PCDH11X: variants seen among roughly 807,000 people sequenced by gnomAD.
PCDH11X encodes protocadherin 11 X-linked.
A neutral mutation model predicts 53.3 loss-of-function variants in PCDH11X; 18 were observed. The ratio of observed to expected loss-of-function variants is 0.34; its 90% CI spans 0.23 to 0.50. PCDH11X has a LOEUF of 0.50. PCDH11X is among the 20% of genes least tolerant of loss of function. The pLI, the probability that PCDH11X is intolerant of heterozygous loss-of-function variation, is 0.98. For synonymous variants in PCDH11X, 279 were observed against 393.3 expected, an observed-to-expected ratio of 0.71 and a Z score of 3.44; for missense variants, 570 against 1,032.4, an observed-to-expected ratio of 0.55 and a Z score of 6.14.
At chrX:91,907,412 C>CACACACAGAGAG (rs756926383) in intron 6 of PCDH11X, among the ~76,000 whole-genome samples, 121 of 57,491 alleles carry the variant, frequency 2.1e-3, no homozygotes, top group East Asian at 7.1e-3. Context: ...CACACACACA[C>CACACACAGAGAG]AGAGAGAGAG....
intron 8 of PCDH11X, among the ~76,000 whole-genome samples, chrX:92,303,956 T>C (rs2068773950): frequency 9.0e-6 from 1 of 111,631 alleles, no homozygotes; most frequent in African/African-American, 3.3e-5. Flanking sequence ...TGAGATATTT[T>C]ATTTTGGAAG....
chrX:92,168,583 A>G (rs1231913284), intron 6 of PCDH11X, among the ~76,000 whole-genome samples: 1 of 110,769 alleles, frequency 9.0e-6, no homozygotes, highest in East Asian at 2.9e-4. Flanking sequence ...ACCCCCAACT[A>G]TATAAATGCC....
At chrX:92,216,449 T>A (rs1396330054) in intron 7 of PCDH11X, among the ~76,000 whole-genome samples, 7 of 102,551 alleles carry the variant, frequency 6.8e-5, no homozygotes, top group Non-Finnish European at 1.4e-4. Context: ...AGAAAGGGTA[T>A]CAGCGATGGA....
intron 10 of PCDH11X, among the ~76,000 whole-genome samples, chrX:92,495,218 G>A (rs2557021): frequency 1.8e-5 from 2 of 110,826 alleles, no homozygotes; most frequent in Non-Finnish European, 3.8e-5. Flanking sequence ...TCTGCATACC[G>A]TCTCTTTCCA....
chrX:91,820,118 G>A (rs1335977246), intron 4 of PCDH11X, among the ~76,000 whole-genome samples: 1 of 93,920 alleles, frequency 1.1e-5, no homozygotes, highest in Non-Finnish European at 2.0e-5. Flanking sequence ...TGTGAATAAT[G>A]CCACAATAAA....
At chrX:91,843,987 T>C (rs1218083754) in intron 5 of PCDH11X, among the ~76,000 whole-genome samples, 1 of 111,043 alleles carries the variant, frequency 9.0e-6, no homozygotes, top group Non-Finnish European at 1.9e-5. Context: ...AAATTAAAAT[T>C]ATCCTTATGT....
intron 4 of PCDH11X, among the ~76,000 whole-genome samples, chrX:91,815,009 T>G: frequency 9.0e-6 from 1 of 111,400 alleles, no homozygotes; most frequent in Middle Eastern, 4.6e-3. Flanking sequence ...GTACTTTACA[T>G]ATATTAACTC....
intron 6 of PCDH11X, among the ~76,000 whole-genome samples, chrX:92,142,658 A>G (rs1215107833): frequency 9.0e-6 from 1 of 111,366 alleles, no homozygotes; most frequent in Non-Finnish European, 1.9e-5. Flanking sequence ...ACAGTCGCAC[A>G]TGCACACACA....
intron 8 of PCDH11X, among the ~76,000 whole-genome samples, chrX:92,277,652 C>T (rs746873117): frequency 8.7e-5 from 9 of 104,003 alleles, no homozygotes. Context: ...AGGGATGGGG[C>T]ACAGAAATAA....
chrX:92,245,072 AGGAGATCTATATG>A (rs2067323596), intron 7 of PCDH11X, among the ~76,000 whole-genome samples: 1 of 112,647 alleles, frequency 8.9e-6, no homozygotes, highest in East Asian at 2.8e-4. Context: ...CTGGGAAAAA[AGGAGATCTATATG>A]ATAGATTCAC....
chrX:92,417,776 G>A (rs1277238242), intron 9 of PCDH11X, among the ~76,000 whole-genome samples: 1 of 103,046 alleles, frequency 9.7e-6, no homozygotes, highest in African/African-American at 3.5e-5. Context: ...AATCACTTTG[G>A]TTTATAGCCG....
chrX:91,798,456 G>T (rs915280430), intron 1 of PCDH11X, among the ~76,000 whole-genome samples: 1 of 110,194 alleles, frequency 9.1e-6, no homozygotes, highest in African/African-American at 3.3e-5. Flanking sequence ...AGGCATGATG[G>T]CGGGCGCCTG....
At chrX:91,905,090 C>T (rs1175274684) in intron 6 of PCDH11X, among the ~76,000 whole-genome samples, 3 of 96,048 alleles carry the variant, frequency 3.1e-5, no homozygotes, top group South Asian at 5.5e-4. Context: ...TTATTTTTTA[C>T]TTTTTTGTTT....
chrX:92,083,236 A>G (rs2063892164), intron 6 of PCDH11X, among the ~76,000 whole-genome samples: 1 of 111,825 alleles, frequency 8.9e-6, no homozygotes, highest in Non-Finnish European at 1.9e-5. Context: ...AAGGCACGCA[A>G]TACTTTAGCT....
intron 6 of PCDH11X, among the ~76,000 whole-genome samples, chrX:91,976,318 T>C (rs1163482973): frequency 8.9e-6 from 1 of 112,372 alleles, no homozygotes. Flanking sequence ...AGGAAAAAAA[T>C]AAAACAGATG....
intron 6 of PCDH11X, among the ~76,000 whole-genome samples, chrX:91,906,452 A>G (rs867443756): frequency 2.7e-4 from 29 of 109,332 alleles, no homozygotes; most frequent in African/African-American, 8.7e-4. Context: ...TCTAGACCAG[A>G]GATTCACAAC....
intron 10 of PCDH11X, among the ~76,000 whole-genome samples, chrX:92,617,695 T>C (rs1928135607): frequency 9.0e-6 from 1 of 111,468 alleles, no homozygotes; most frequent in Admixed American, 9.6e-5. Context: ...ATTATGTTGC[T>C]AACTTGTATT....
At chrX:92,175,785 TACAC>T (rs750843204) in intron 6 of PCDH11X, among the ~76,000 whole-genome samples, 11 of 83,819 alleles carry the variant, frequency 1.3e-4, no homozygotes, top group African/African-American at 4.3e-4. Context: ...TGTATATATA[TACAC>T]ACACACACAC....
rs1467041661 is a variant in PCDH11X, at chrX:92,366,836, G to T, written c.3145-20899G>T. 2.8e-5 allele frequency among the ~76,000 whole-genome samples: 3 copies of T among 108,275 alleles called. No individual in the cohort carries two copies. The East Asian group carries it at 8.7e-4, about 31-fold the overall frequency. The allele number at this position is 108,275 out of a possible 115,157, so 94.0% of individuals were successfully genotyped here. ...GTTTCTTAATCCTGATTTCTAATTT[G>T]ATTGCACTGTGGTCTGAGAGACTGT... On this transcript the variant is annotated intron_variant, in intron 8 of 10. Transcript: ENST00000682573.
Sources: gnomAD v4.1 joint callset for allele counts (sites outside exome capture counted in the v4.1 genomes callset) on GRCh38, gnomAD v4.1.1 for gene constraint, MANE v1.5 for transcripts, NCBI Gene and HGNC (gene_info 2026-07-23, HGNC 2026-07-21) for gene names.